SETD4: variants seen among roughly 807,000 people sequenced by gnomAD.
The protein encoded by SETD4 is SET domain containing 4, also known as SET domain-containing protein 4.
In SETD4, 46 loss-of-function variants were observed where a neutral mutation model predicts 58.3. The ratio of observed to expected loss-of-function variants is 0.79; its 90% CI spans 0.62 to 1.01. The LOEUF (loss-of-function observed/expected upper bound fraction) is 1.01. Among genes scored for constraint, SETD4 ranks in the 50% least tolerant of loss-of-function variants. The probability of loss-of-function intolerance (pLI) is 0.00; values close to 1 mark genes in which losing one functional copy is unlikely to be tolerated. For synonymous variants in SETD4, 190 were observed against 202.6 expected, an observed-to-expected ratio of 0.94 and a Z score of 0.53; for missense variants, 490 against 523.3, an observed-to-expected ratio of 0.94 and a Z score of 0.62.
intron 10 of SETD4, 84 bp downstream of exon 10, chr21:36,038,066 T>G: frequency 7.0e-7 from 1 of 1,424,446 alleles, no homozygotes; most frequent in Non-Finnish European, 9.5e-7. Flanking sequence ...TCTTATGAAA[T>G]GCACTATCCC....
At chr21:36,050,748 G>A in intron 4 of SETD4, 1 of 1,612,592 alleles carries the variant, frequency 6.2e-7, no homozygotes, top group Non-Finnish European at 8.5e-7. Context: ...GCACCATTTG[G>A]CTGATCTAAG....
chr21:36,041,850 T>G lies in SETD4; in HGVS notation c.940A>C (p.Met314Leu). The change falls in exon 8 of 12, where the codon ATG becomes CTG. Residue 314 changes from methionine to leucine, a missense_variant. Physicochemically the swap from Met to Leu is conservative, Grantham distance 15. Transcript: ENST00000332131. ...VKYLPSTDKQ[M>L]DKKISILKDH... ...TTTAAAATAGAAATCTTTTTGTCCA[T>G]CTGTTTATCTGTTGATGGAAGATAT... 6.7e-7 allele frequency: 1 copy of G among 1,483,092 alleles called. No homozygotes were observed. Among genetic ancestry groups the G allele is most frequent in the Non-Finnish European group, 9.2e-7 (1 of 1,087,962 alleles). 91.9% of individuals were successfully genotyped at this position (1,483,092 alleles called of 1,614,324 possible). A position where few individuals can be genotyped will look rare whatever the true frequency, so the allele number is the denominator to read the frequency against.
At chr21:36,038,382 T>C in intron 9 of SETD4, 109 bp from the exon 10 acceptor site, 5 of 1,322,522 alleles carry the variant, frequency 3.8e-6, no homozygotes, top group Non-Finnish European at 5.2e-6. Flanking sequence ...AGGAGCATAA[T>C]ACAACTCATT....
intron 1 of SETD4, chr21:36,060,040 T>A: frequency 1.0e-6 from 1 of 985,534 alleles, no homozygotes; most frequent in African/African-American, 1.7e-5. Flanking sequence ...ACTCTAGCCG[T>A]GAGGCCGTCC....
At chr21:36,049,103 A>C (rs1370908737) in intron 4 of SETD4, among the ~76,000 whole-genome samples, 1 of 152,194 alleles carries the variant, frequency 6.6e-6, no homozygotes, top group Non-Finnish European at 1.5e-5. Flanking sequence ...GAACTCTACC[A>C]CTTGCAAGAG....
At chr21:36,052,754 G>GA (rs1568932885) in intron 4 of SETD4, among the ~76,000 whole-genome samples, 3 of 152,146 alleles carry the variant, frequency 2.0e-5, no homozygotes, top group Non-Finnish European at 2.9e-5. Flanking sequence ...AGCATTGGAA[G>GA]AATGAAAAGA....
intron 5 of SETD4, among the ~76,000 whole-genome samples, chr21:36,047,667 C>T (rs534232222): frequency 2.5e-4 from 38 of 151,902 alleles, no homozygotes; most frequent in African/African-American, 9.2e-4. Context: ...CTATTAAAAA[C>T]CTTAGAAATG....
rs985314762 is a variant in SETD4 at position 36,043,840 on chromosome 21, G to A, written c.843C>T (p.Phe281=). Residue 281 remains phenylalanine, a synonymous_variant, in exon 7 of 12, where the codon TTC becomes TTT. Coordinates refer to ENST00000332131, the MANE Select transcript of SETD4 (RefSeq NM_017438.5). ...CYGPHDNQRL[F]LEYGFVSVHN... is the part of the protein sequence containing the mutation. The stretch of plus-strand genomic sequence containing the variant: ...GGACAGAAACAAATCCGTATTCCAG[G>A]AACAGCCGTTGATTATCGTGAGGGC... 6.2e-7 allele frequency: 1 copy of A among 1,614,166 alleles called. No homozygotes were observed. The highest frequency in any genetic ancestry group is 8.5e-7 in the Non-Finnish European group (1 of 1,180,048).
chr21:36,050,413 T>A, intron 4 of SETD4: 6 of 1,614,168 alleles, frequency 3.7e-6, no homozygotes, highest in Non-Finnish European at 4.2e-6. Context: ...AATGGAGAGC[T>A]AATCACTGCC....
rs1005399403 is a variant in SETD4, at chr21:36,060,447, C to G, written c.-137G>C. On this transcript the variant is annotated 5_prime_UTR_variant, in exon 1 of 12. Coordinates refer to ENST00000332131, the MANE Select transcript of SETD4 (RefSeq NM_017438.5). ...CCAGATGAAGGCAAGTTAAAGGAAC[C>G]GGCCAAAACTGCAGAGGGAGAGGCT... The G allele has an allele frequency of 1.3e-5, 2 of 152,438 alleles. No homozygotes were observed. The highest frequency in any genetic ancestry group is 4.8e-5 in the African/African-American group (2 of 41,460). 9.4% of individuals were successfully genotyped at this position (152,438 alleles called of 1,614,324 possible).
Position 36,045,854 on chromosome 21 carries a change from G to A in SETD4, c.454C>T (p.Pro152Ser). 2 of 1,614,152 alleles carry A rather than the reference G, an allele frequency of 1.2e-6. No homozygotes were observed. The highest frequency in any genetic ancestry group is 2.2e-5 in the East Asian group (1 of 44,872). The change falls in exon 6 of 12, where the codon CCC (proline) becomes TCC (serine). Residue 152 changes from proline to serine, a missense_variant. Pro to Ser is a moderately conservative substitution (Grantham distance 74). Coordinates refer to ENST00000332131, the MANE Select transcript of SETD4 (RefSeq NM_017438.5). ...CLEPEVVNLL[P>S]KSLKAKAEEQ... The stretch of plus-strand genomic sequence containing the variant: ...TCAGCCTTTGCTTTTAAAGATTTGG[G>A]AAGAAGGTTCACCACTTCCGGCTCC...
Position 36,043,684 on chromosome 21 carries a change from T to C in SETD4, c.901+98A>G, listed in dbSNP as rs1482864880. Reference sequence around the variant, plus strand: ...AAAATTAGTGATATGTATGTCAGTCTTAAGGTTTTGATATTTTTATTAAAA... The same window carrying C: ...AAAATTAGTGATATGTATGTCAGTCCTAAGGTTTTGATATTTTTATTAAAA... On this transcript the variant is annotated intron_variant, in intron 7 of 11. Coordinates refer to ENST00000332131, the MANE Select transcript of SETD4 (RefSeq NM_017438.5). 16 of 1,536,194 alleles carry C rather than the reference T, an allele frequency of 1.0e-5. No individual in the cohort carries two copies. The East Asian group carries it at 3.8e-4, about 37-fold the overall frequency.
chr21:36,048,233 C>T, intron 5 of SETD4, 75 bp downstream of exon 5: 3 of 1,157,546 alleles, frequency 2.6e-6, no homozygotes. Context: ...AATTGTGTCT[C>T]AAGTGACATA....
At chr21:36,041,946 T>A in intron 7 of SETD4, 58 bp from the exon 8 acceptor site, 1 of 885,622 alleles carries the variant, frequency 1.1e-6, no homozygotes, top group Non-Finnish European at 1.7e-6. Context: ...AAAGTATGTC[T>A]CCCTTCCCTT....
At chr21:36,059,859 G>A in intron 1 of SETD4, 2 of 985,444 alleles carry the variant, frequency 2.0e-6, no homozygotes, top group South Asian at 4.7e-5. Flanking sequence ...AGAGGCGAAC[G>A]GCGGCTGGTT....
At chr21:36,048,548 T>C in intron 4 of SETD4, 152 bp from the exon 5 acceptor site, 2 of 688,058 alleles carry the variant, frequency 2.9e-6, no homozygotes, top group Non-Finnish European at 5.1e-6. Context: ...ATGGAGTCGC[T>C]CCCAACTCTG....
intron 9 of SETD4, among the ~76,000 whole-genome samples, chr21:36,039,463 A>G (rs1198357365): frequency 6.6e-6 from 1 of 152,252 alleles, no homozygotes; most frequent in East Asian, 1.9e-4. Context: ...AAAAGGACTC[A>G]TACCTTGTTG....
chr21:36,060,139 G>A, intron 1 of SETD4: 1 of 985,416 alleles, frequency 1.0e-6, no homozygotes, highest in Non-Finnish European at 1.2e-6. Flanking sequence ...TTTACGCAGC[G>A]CGCCGGAGCA....
chr21:36,058,757 A>C (rs748769196), intron 2 of SETD4, 59 bp downstream of exon 2: 44 of 1,528,876 alleles, frequency 2.9e-5, no homozygotes, highest in Non-Finnish European at 3.7e-5. Context: ...CGTATGAACA[A>C]ACAAGCAATC....
Sources: allele counts gnomAD v4.1 joint callset (sites outside exome capture counted in the v4.1 genomes callset), GRCh38; gene constraint gnomAD v4.1.1; transcripts MANE v1.5; gene names NCBI Gene and HGNC (gene_info 2026-07-23, HGNC 2026-07-21).